RAB10: variants seen among roughly 807,000 people sequenced by gnomAD.
The protein encoded by RAB10 is ras-related protein Rab-10.
A neutral mutation model predicts 25.7 loss-of-function variants in RAB10; 5 were observed. That is an observed-to-expected ratio of 0.19 (90% confidence interval 0.10 to 0.41). RAB10 has a LOEUF of 0.41. Among genes scored for constraint, RAB10 ranks in the 10% least tolerant of loss-of-function variants. RAB10 has a pLI of 1.00. For missense variants in RAB10, 103 were observed against 245.8 expected (o/e 0.42, Z 3.89); for synonymous variants, 89 against 86.4 (o/e 1.03, Z -0.16).
chr2:26,075,493 GTC>G (rs1407500130), intron 1 of RAB10, among the ~76,000 whole-genome samples: 1 of 60,764 alleles, frequency 1.6e-5, no homozygotes, highest in Non-Finnish European at 3.9e-5. Context: ...CAGATGTTTT[GTC>G]TCTCTGATTA....
At chr2:26,074,514 G>A (rs1033041314) in intron 1 of RAB10, among the ~76,000 whole-genome samples, 3 of 152,156 alleles carry the variant, frequency 2.0e-5, no homozygotes, top group African/African-American at 4.8e-5. Context: ...TGCCTTCTGC[G>A]TTCAAGCAGT....
intron 3 of RAB10, among the ~76,000 whole-genome samples, chr2:26,117,186 G>A (rs1667708162): frequency 6.6e-6 from 1 of 152,144 alleles, no homozygotes; most frequent in Non-Finnish European, 1.5e-5. Flanking sequence ...CCAAGAGGGG[G>A]AGTTATTATA....
intron 1 of RAB10, among the ~76,000 whole-genome samples, chr2:26,049,671 T>TAC (rs975322335): frequency 2.0e-5 from 3 of 152,268 alleles, no homozygotes; most frequent in Admixed American, 2.0e-4. Flanking sequence ...AGTCTGGGAT[T>TAC]ACAGGCATAA....
intron 2 of RAB10, among the ~76,000 whole-genome samples, chr2:26,105,289 C>T (rs1667444532): frequency 6.6e-6 from 1 of 152,146 alleles, no homozygotes; most frequent in Non-Finnish European, 1.5e-5. Context: ...TGTTAACAAG[C>T]AGCCAGTGAC....
chr2:26,053,265 G>A (rs1224019545), intron 1 of RAB10, among the ~76,000 whole-genome samples: 4 of 152,152 alleles, frequency 2.6e-5, no homozygotes, highest in African/African-American at 9.6e-5. Flanking sequence ...TGAGATTTTT[G>A]TTCTTTAGGA....
intron 3 of RAB10, among the ~76,000 whole-genome samples, chr2:26,111,623 A>G (rs1188387655): frequency 2.0e-5 from 3 of 150,442 alleles, no homozygotes; most frequent in African/African-American, 4.9e-5. Flanking sequence ...AAAAAAAAAT[A>G]CAAATCTTAA....
In RAB10 at chr2:26,092,068, A is replaced by C. The variant is rs936169923; in HGVS notation, c.128-6594A>C. The stretch of plus-strand genomic sequence containing the variant: ...GTGCCTGTAGTCCCAGCTTCTCAGG[A>C]GGCTGAGGCAGGAGAATTGCTTGAA... On this transcript the variant is annotated intron_variant, in intron 1 of 5. Transcript: ENST00000264710. Among the ~76,000 whole-genome samples the C allele has an allele frequency of 3.3e-5, 5 of 151,956 alleles. No individual in the cohort carries two copies. In the East Asian group the frequency reaches 5.8e-4, roughly 18 times the overall value.
intron 1 of RAB10, among the ~76,000 whole-genome samples, chr2:26,059,940 T>C (rs1294355803): frequency 1.3e-5 from 2 of 152,178 alleles, no homozygotes; most frequent in Admixed American, 6.5e-5. Context: ...TTTACCACAA[T>C]AAAAATATTA....
At chr2:26,085,544 G>C (rs888524526) in intron 1 of RAB10, among the ~76,000 whole-genome samples, 3 of 150,328 alleles carry the variant, frequency 2.0e-5, no homozygotes, top group Admixed American at 6.6e-5. Context: ...TCACCAGCTT[G>C]ACCTTCTTCC....
At chr2:26,104,158 ACTGTT>A (rs1462591856) in intron 2 of RAB10, among the ~76,000 whole-genome samples, 1 of 152,190 alleles carries the variant, frequency 6.6e-6, no homozygotes, top group African/African-American at 2.4e-5. Flanking sequence ...GAACTACCTG[ACTGTT>A]TTCTAACATG....
chr2:26,080,520 TA>T (rs1281552709), intron 1 of RAB10, among the ~76,000 whole-genome samples: 1 of 152,194 alleles, frequency 6.6e-6, no homozygotes, highest in Non-Finnish European at 1.5e-5. Flanking sequence ...AGGGAAATTC[TA>T]TGCAATACCT....
At chr2:26,108,879 ATATTTATTTATTTATTTATTTATT>A (rs72232011) in intron 2 of RAB10, among the ~76,000 whole-genome samples, 26 of 139,564 alleles carry the variant, frequency 1.9e-4, no homozygotes, top group African/African-American at 3.2e-4. Context: ...CTTTTGCTTT[ATATTTATTTATTTATTTATTTATT>A]TATTTATTTA....
At chr2:26,105,784 C>T (rs1394977558) in intron 2 of RAB10, among the ~76,000 whole-genome samples, 1 of 152,206 alleles carries the variant, frequency 6.6e-6, no homozygotes, top group Non-Finnish European at 1.5e-5. Context: ...TGTAATACCA[C>T]ATTTTTACTG....
At chr2:26,101,867 C>G (rs1490118452) in intron 2 of RAB10, 1 of 152,272 alleles carries the variant, frequency 6.6e-6, no homozygotes, top group Non-Finnish European at 1.5e-5. Flanking sequence ...TCTTCAAAAC[C>G]TCATCTTTGA....
intron 5 of RAB10, among the ~76,000 whole-genome samples, chr2:26,128,748 A>G (rs1263213560): frequency 6.6e-6 from 1 of 152,190 alleles, no homozygotes; most frequent in East Asian, 1.9e-4. Context: ...AAAATAAATA[A>G]TGCTGAAAAT....
intron 3 of RAB10, among the ~76,000 whole-genome samples, chr2:26,126,330 C>T (rs555636564): frequency 6.6e-6 from 1 of 152,174 alleles, no homozygotes; most frequent in Non-Finnish European, 1.5e-5. Flanking sequence ...GTAATCCTAG[C>T]TCTTTGGGAG....
intron 4 of RAB10, 56 bp from the exon 5 acceptor site, chr2:26,127,794 A>G: frequency 7.9e-7 from 1 of 1,267,690 alleles, no homozygotes; most frequent in Non-Finnish European, 1.2e-6. Flanking sequence ...TGTTAAAGTC[A>G]GCAGTTGGCA....
intron 1 of RAB10, among the ~76,000 whole-genome samples, chr2:26,046,306 C>T (rs768680030): frequency 5.2e-4 from 75 of 143,328 alleles, no homozygotes; most frequent in Admixed American, 7.8e-4. Context: ...GCCTAGGCAA[C>T]AAGAGTGAAA....
intron 1 of RAB10, among the ~76,000 whole-genome samples, chr2:26,034,947 A>G (rs942352400): frequency 3.9e-5 from 6 of 152,156 alleles, no homozygotes; most frequent in South Asian, 2.1e-4. Context: ...GTCTCCCACT[A>G]TGCTCAGTGC....
Sources: allele counts gnomAD v4.1 joint callset (sites outside exome capture counted in the v4.1 genomes callset), GRCh38; gene constraint gnomAD v4.1.1; transcripts MANE v1.5; gene names NCBI Gene and HGNC (gene_info 2026-07-23, HGNC 2026-07-21).